PVT1: variants seen among roughly 807,000 people sequenced by gnomAD.
PVT1 encodes CXCR4/PVT1 fusion.
At chr8:128,098,527 G>A (rs1281847556) in intron 6 of PVT1, among the ~76,000 whole-genome samples, 7 of 152,218 alleles carry the variant, frequency 4.6e-5, no homozygotes, top group Non-Finnish European at 8.8e-5. Flanking sequence ...ATTAGTACAT[G>A]TAGAGTGGAG....
intron 5 of PVT1, among the ~76,000 whole-genome samples, chr8:128,089,027 CA>C (rs1184636183): frequency 1.3e-5 from 2 of 152,168 alleles, no homozygotes; most frequent in African/African-American, 4.8e-5. Context: ...GAACTCTAAA[CA>C]GATCACTGAG....
At chr8:128,050,241 A>G (rs555154831) in intron 4 of PVT1, among the ~76,000 whole-genome samples, 3 of 151,560 alleles carry the variant, frequency 2.0e-5, no homozygotes, top group African/African-American at 4.8e-5. Flanking sequence ...CCCTTCCCCA[A>G]CCTCTCCCAT....
intron 3 of PVT1, among the ~76,000 whole-genome samples, chr8:127,928,692 G>A (rs1213382337): frequency 6.6e-6 from 1 of 152,192 alleles, no homozygotes; most frequent in African/African-American, 2.4e-5. Context: ...TCTCTCTCTG[G>A]CCCTCCTCTG....
chr8:127,906,862 A>G (rs1815828780), intron 3 of PVT1, among the ~76,000 whole-genome samples: 1 of 151,904 alleles, frequency 6.6e-6, no homozygotes, highest in Non-Finnish European at 1.5e-5. Context: ...TATCACCTTC[A>G]TTTTACAGAT....
chr8:127,873,219 C>T (rs1364724067), intron 2 of PVT1, among the ~76,000 whole-genome samples: 2 of 152,208 alleles, frequency 1.3e-5, no homozygotes, highest in Non-Finnish European at 2.9e-5. Context: ...TGAATGCCTG[C>T]TTCTCCTTGC....
intron 3 of PVT1, among the ~76,000 whole-genome samples, chr8:127,975,834 G>T (rs1457909725): frequency 6.6e-6 from 1 of 152,208 alleles, no homozygotes; most frequent in Non-Finnish European, 1.5e-5. Flanking sequence ...TGTTCATGTT[G>T]TCTCTTTATT....
chr8:127,839,555 T>TA (rs1814948993), intron 2 of PVT1, among the ~76,000 whole-genome samples: 1 of 87,990 alleles, frequency 1.1e-5, no homozygotes, highest in African/African-American at 4.2e-5. Context: ...ATCTCAAAAA[T>TA]AAAAAATAAA....
intron 5 of PVT1, among the ~76,000 whole-genome samples, chr8:128,089,921 G>A (rs747315014): frequency 1.3e-5 from 2 of 152,176 alleles, no homozygotes; most frequent in African/African-American, 2.4e-5. Flanking sequence ...TGCTTGGAAC[G>A]TTTTTTGTAC....
intron 4 of PVT1, among the ~76,000 whole-genome samples, chr8:128,007,422 A>G (rs1817260119): frequency 6.9e-6 from 1 of 145,796 alleles, no homozygotes; most frequent in South Asian, 2.4e-4. Context: ...TTTTAAAATA[A>G]AAACTAAAAA....
At chr8:128,044,010 TATTTA>T (rs1439808353) in intron 4 of PVT1, among the ~76,000 whole-genome samples, 5 of 32,362 alleles carry the variant, frequency 1.5e-4, no homozygotes, top group African/African-American at 3.6e-4. Context: ...TATTATTATT[TATTTA>T]TTTTTTTTTT....
intron 2 of PVT1, among the ~76,000 whole-genome samples, chr8:127,846,358 T>C (rs1815033773): frequency 6.6e-6 from 1 of 152,234 alleles, no homozygotes; most frequent in Admixed American, 6.5e-5. Context: ...GCACCTTTCC[T>C]GGTCTCCTCT....
chr8:127,840,617 G>A (rs1814962590), intron 2 of PVT1, among the ~76,000 whole-genome samples: 1 of 152,250 alleles, frequency 6.6e-6, no homozygotes, highest in Admixed American at 6.5e-5. Context: ...TGTGCTGGCA[G>A]CCCTGGCCAC....
At chr8:128,027,495 A>G (rs1436164081) in intron 4 of PVT1, among the ~76,000 whole-genome samples, 1 of 152,188 alleles carries the variant, frequency 6.6e-6, no homozygotes, top group Non-Finnish European at 1.5e-5. Flanking sequence ...CTTACTGAGC[A>G]TATAGTGAAT....
intron 2 of PVT1, among the ~76,000 whole-genome samples, chr8:127,883,450 G>GGGGAGGGTC (rs1230583256): frequency 1.3e-5 from 2 of 152,016 alleles, no homozygotes; most frequent in African/African-American, 4.8e-5. Context: ...AATACCTGGT[G>GGGGAGGGTC]GGGAGGGTCA....
intron 4 of PVT1, among the ~76,000 whole-genome samples, chr8:128,044,616 G>A (rs1024167523): frequency 2.6e-5 from 4 of 152,172 alleles, no homozygotes; most frequent in African/African-American, 9.7e-5. Flanking sequence ...TAAGGACTCA[G>A]TAAATGTTAA....
intron 2 of PVT1, among the ~76,000 whole-genome samples, chr8:127,869,823 A>G (rs1050481272): frequency 5.3e-5 from 8 of 152,100 alleles, no homozygotes; most frequent in African/African-American, 1.9e-4. Context: ...TTTTGTTTTG[A>G]GATGGAGTCT....
chr8:127,970,986 G>A (rs1816758947), intron 3 of PVT1, among the ~76,000 whole-genome samples: 1 of 152,222 alleles, frequency 6.6e-6, no homozygotes, highest in Admixed American at 6.5e-5. Context: ...ACATAGCCAT[G>A]TCAATTCTTC....
intron 4 of PVT1, among the ~76,000 whole-genome samples, chr8:128,040,222 C>T (rs1020747106): frequency 1.3e-5 from 2 of 152,200 alleles, no homozygotes; most frequent in African/African-American, 4.8e-5. Context: ...AATCAGTAGA[C>T]TTTGAGGAAA....
rs191139308 is a variant in PVT1 at position 127,889,167 on chromosome 8, T to G, written n.373-1422T>G. 5.7e-3 allele frequency among the ~76,000 whole-genome samples: 869 copies of G among 151,368 alleles called. 7 individuals carry two copies. Among genetic ancestry groups the G allele is most frequent in the African/African-American group, 0.02 (816 of 41,142 alleles). On this transcript the variant is annotated intron_variant and non_coding_transcript_variant, in intron 2 of 10. Coordinates refer to ENST00000651587, the Ensembl canonical transcript of PVT1. ...TTTTTTGAGATAGAGTCTCATTCTG[T>G]GGCCCAGGCTGGAATGCAGTGGTGT...
Sources: allele counts gnomAD v4.1 joint callset (sites outside exome capture counted in the v4.1 genomes callset), GRCh38; gene constraint gnomAD v4.1.1; transcripts MANE v1.5; gene names NCBI Gene and HGNC (gene_info 2026-07-23, HGNC 2026-07-21).